The following AKAP13 variants were observed in gnomAD, a reference collection of about 807,000 sequenced individuals.
The protein encoded by AKAP13 is A-kinase anchoring protein 13.
AKAP13 carries 80 observed loss-of-function variants against 264.5 expected under a neutral mutation model. The ratio of observed to expected loss-of-function variants is 0.30; its 90% CI spans 0.25 to 0.36. The LOEUF (loss-of-function observed/expected upper bound fraction) is 0.36. Ranked by LOEUF, AKAP13 falls within the 10% of genes least tolerant of loss-of-function variation. The pLI is 1.00. For missense variants in AKAP13, 3,712 were observed against 3,435.2 expected (o/e 1.08, Z -2.01); for synonymous variants, 1,380 against 1,250.2 (o/e 1.10, Z -2.19).
chr15:85,619,651 T>A, intron 8 of AKAP13: 1 of 987,596 alleles, frequency 1.0e-6, no homozygotes, highest in Middle Eastern at 5.2e-4. Context: ...TGGCAAAGTA[T>A]ATACTGGATT....
chr15:85,486,208 TG>T (rs746290563), intron 2 of AKAP13, among the ~76,000 whole-genome samples: 4 of 152,166 alleles, frequency 2.6e-5, no homozygotes, highest in Non-Finnish European at 4.4e-5. Context: ...CCTCATTCAG[TG>T]GGTTGTCATT....
At chr15:85,463,041 AAAG>A (rs1374257766) in intron 1 of AKAP13, among the ~76,000 whole-genome samples, 11 of 150,584 alleles carry the variant, frequency 7.3e-5, no homozygotes, top group Admixed American at 7.3e-4. Context: ...AAAAAAAAAA[AAAG>A]AAATAAAAAT....
intron 8 of AKAP13, among the ~76,000 whole-genome samples, chr15:85,624,273 T>C (rs2081313122): frequency 6.6e-6 from 1 of 152,200 alleles, no homozygotes; most frequent in South Asian, 2.1e-4. Context: ...ATTAATTAGC[T>C]GAATGGTTAA....
chr15:85,668,438 A>G (rs1459872576), intron 13 of AKAP13, among the ~76,000 whole-genome samples: 1 of 152,220 alleles, frequency 6.6e-6, no homozygotes, highest in African/African-American at 2.4e-5. Context: ...TTGTACCAGG[A>G]ACTTCTGCAG....
chr15:85,668,156 C>A (rs929693328), intron 13 of AKAP13, among the ~76,000 whole-genome samples: 6 of 152,192 alleles, frequency 3.9e-5, no homozygotes. Flanking sequence ...TTTTAGACCT[C>A]ACAGTTGTAT....
intron 1 of AKAP13, among the ~76,000 whole-genome samples, chr15:85,415,025 T>A (rs1372237442): frequency 6.6e-6 from 1 of 152,160 alleles, no homozygotes; most frequent in Non-Finnish European, 1.5e-5. Flanking sequence ...GTTTTCTATG[T>A]TGGAGTGGTT....
At chr15:85,548,721 A>C (rs552828944) in intron 5 of AKAP13, among the ~76,000 whole-genome samples, 2 of 152,206 alleles carry the variant, frequency 1.3e-5, no homozygotes, top group Non-Finnish European at 2.9e-5. Flanking sequence ...CTCAAATTCC[A>C]GTTGATCGGT....
In AKAP13 at chr15:85,625,875, C is replaced by T. The variant is rs1390184319; in HGVS notation, c.4162-13499C>T. Among the ~76,000 whole-genome samples the T allele has an allele frequency of 2.6e-5, 4 of 152,278 alleles. 1 individual carries two copies. In the East Asian group the frequency reaches 7.7e-4, roughly 29 times the overall value. ...GAGTTGTTGATGAATAGAACCAAGA[C>T]TAGAACAAATGTATCTGCCACATCA... On this transcript the variant is annotated intron_variant, in intron 8 of 36. Transcript: ENST00000394518.
chr15:85,480,411 C>T (rs1285878653), intron 1 of AKAP13, among the ~76,000 whole-genome samples: 1 of 152,144 alleles, frequency 6.6e-6, no homozygotes. Context: ...AATACTTTAC[C>T]TGGATCATCT....
chr15:85,540,013 T>G (rs2151204339), intron 4 of AKAP13, among the ~76,000 whole-genome samples: 1 of 152,152 alleles, frequency 6.6e-6, no homozygotes, highest in African/African-American at 2.4e-5. Context: ...GAAAAGTAGG[T>G]TTTATGAGTC....
At chr15:85,733,847 T>C (rs1202930230) in intron 30 of AKAP13, among the ~76,000 whole-genome samples, 1 of 151,244 alleles carries the variant, frequency 6.6e-6, no homozygotes, top group Admixed American at 6.6e-5. Flanking sequence ...CTTTCATGTC[T>C]TTTGTCATTT....
At chr15:85,626,129 G>A (rs963312476) in intron 8 of AKAP13, among the ~76,000 whole-genome samples, 2 of 152,212 alleles carry the variant, frequency 1.3e-5, no homozygotes, top group African/African-American at 2.4e-5. Context: ...CATTGACCAT[G>A]ATTGGTAGTG....
chr15:85,445,595 C>G (rs537784352), intron 1 of AKAP13, among the ~76,000 whole-genome samples: 1 of 152,162 alleles, frequency 6.6e-6, no homozygotes, highest in Non-Finnish European at 1.5e-5. Context: ...TTAATTACAT[C>G]TTCCTTTGGA....
At chr15:85,498,668 A>C (rs1413830370) in intron 2 of AKAP13, among the ~76,000 whole-genome samples, 3 of 151,998 alleles carry the variant, frequency 2.0e-5, no homozygotes, top group African/African-American at 7.2e-5. Context: ...TCTCTTTTTC[A>C]AATGTAAGAC....
At chr15:85,582,475 A>C (rs981825908) in intron 7 of AKAP13, among the ~76,000 whole-genome samples, 1 of 152,190 alleles carries the variant, frequency 6.6e-6, no homozygotes. Context: ...CTAGTACCAT[A>C]GAAAACAGTG....
intron 1 of AKAP13, among the ~76,000 whole-genome samples, chr15:85,479,333 T>C (rs1367286735): frequency 6.6e-6 from 1 of 152,208 alleles, no homozygotes; most frequent in African/African-American, 2.4e-5. Context: ...ACATTGACTC[T>C]TTTACAAGAA....
At chr15:85,526,394 T>C (rs147401782) in intron 3 of AKAP13, among the ~76,000 whole-genome samples, 46 of 152,178 alleles carry the variant, frequency 3.0e-4, no homozygotes, top group Non-Finnish European at 6.3e-4. Context: ...CAAGTAGCAC[T>C]CACCATCGTA....
intron 34 of AKAP13, chr15:85,740,704 CCTA>C (rs1331672108): frequency 9.5e-5 from 33 of 347,680 alleles, no homozygotes; most frequent in Admixed American, 9.1e-5. Context: ...CTGTCTCGTT[CCTA>C]CTTTCTCCCA....
intron 4 of AKAP13, among the ~76,000 whole-genome samples, chr15:85,542,400 A>G (rs931540555): frequency 2.0e-5 from 3 of 152,236 alleles, no homozygotes; most frequent in African/African-American, 7.2e-5. Flanking sequence ...AGACTAATAC[A>G]CAGATGACAT....
Sources: allele counts gnomAD v4.1 joint callset (sites outside exome capture counted in the v4.1 genomes callset), GRCh38; gene constraint gnomAD v4.1.1; transcripts MANE v1.5; gene names NCBI Gene and HGNC (gene_info 2026-07-23, HGNC 2026-07-21).